Variants in PRAMEF2 observed in about 807,000 individuals in gnomAD.
The protein encoded by PRAMEF2 is PRAME family member 2.
In PRAMEF2, 35 loss-of-function variants were observed where a neutral mutation model predicts 38.0. The ratio of observed to expected loss-of-function variants is 0.92; its 90% CI spans 0.70 to 1.22. The LOEUF (loss-of-function observed/expected upper bound fraction) is 1.22, where lower values mean the gene tolerates loss of function less well. Ranked by LOEUF, PRAMEF2 falls within the 50% of genes most tolerant of loss-of-function variation. The probability of loss-of-function intolerance (pLI) is 0.00; values close to 1 mark genes in which losing one functional copy is unlikely to be tolerated. For synonymous variants in PRAMEF2, 240 were observed against 232.4 expected, an observed-to-expected ratio of 1.03 and a Z score of -0.30; for missense variants, 562 against 553.9, an observed-to-expected ratio of 1.01 and a Z score of -0.15.
At chr1:12,860,574 T>C (rs1640531361) in intron 3 of PRAMEF2, among the ~76,000 whole-genome samples, 1 of 149,772 alleles carries the variant, frequency 6.7e-6, no homozygotes, top group Non-Finnish European at 1.5e-5. Context: ...TTACAAAGTG[T>C]GTTTCAAGTT....
Position 12,859,077 on chromosome 1 carries a change from T to C in PRAMEF2, c.68T>C (p.Leu23Ser). Residue 23 changes from leucine (L) to serine (S), a missense_variant, in exon 2 of 4, where the codon TTG becomes TCG. Physicochemically the swap from Leu to Ser is moderately radical, Grantham distance 145. Around this residue, in one of 2 missense-constraint regions of PRAMEF2, gnomAD observed 486 missense variants for 444.2 expected, o/e 1.09. Coordinates refer to ENST00000240189, the MANE Select transcript of PRAMEF2 (RefSeq NM_023014.1). ...AGQSLLRDQA[L>S]SISAMEELPR... ...CAGAGCCTGCTGAGAGACCAGGCCT[T>C]GTCCATCTCTGCCATGGAGGAGCTG... The C allele has an allele frequency of 6.2e-7, 1 of 1,603,970 alleles. No individual in the cohort carries two copies. Among genetic ancestry groups the C allele is most frequent in the Non-Finnish European group, 8.5e-7 (1 of 1,176,382 alleles).
rs368918984 is a variant in PRAMEF2 at position 12,860,936 on chromosome 1, A to G, written c.867-285A>G. 2.2e-4 allele frequency among the ~76,000 whole-genome samples: 33 copies of G among 148,122 alleles called. 1 individual carries two copies. Among genetic ancestry groups the G allele is most frequent in the African/African-American group, 6.7e-4 (27 of 40,136 alleles). ...TTCACATCTCCCACGGGGTACCTGT[A>G]GCCCAGAGATGAAGTTTTCTGCTAA... On this transcript the variant is annotated intron_variant, in intron 3 of 3. Transcript: ENST00000240189.
In PRAMEF2 at chr1:12,860,081, T is replaced by C. The variant is rs753647316; in HGVS notation, c.676T>C (p.Cys226Arg). The change falls in exon 3 of 4, where the codon TGT (cysteine) becomes CGT (arginine). Residue 226 changes from cysteine (C) to arginine (R), a missense_variant. Cys to Arg is a radical substitution (Grantham distance 180, BLOSUM62 -3). Coordinates refer to ENST00000240189, the MANE Select transcript of PRAMEF2 (RefSeq NM_023014.1). ...GCCACATCTGATAAGAAAGCTTTAT[T>C]GTTACCTGAAGGAGATGAAGACTCT... ...CWPHLIRKLY[C>R]YLKEMKTLCK... The C allele has an allele frequency of 6.2e-7, 1 of 1,606,626 alleles. No individual in the cohort carries two copies. Among genetic ancestry groups the C allele is most frequent in the East Asian group, 2.2e-5 (1 of 44,700 alleles).
intron 3 of PRAMEF2, among the ~76,000 whole-genome samples, 156 bp downstream of exon 3, chr1:12,860,427 G>A (rs568802761): frequency 6.7e-6 from 1 of 150,350 alleles, no homozygotes; most frequent in African/African-American, 2.4e-5. Flanking sequence ...AGTGTTCCAT[G>A]TCCTGGAGTG....
intron 2 of PRAMEF2, among the ~76,000 whole-genome samples, 178 bp downstream of exon 2, chr1:12,859,474 G>T (rs1220408159): frequency 6.6e-6 from 1 of 150,978 alleles, no homozygotes. Context: ...TCACCATACA[G>T]GGTCCACTGT....
At chr1:12,860,413 A>G (rs1041422237) in intron 3 of PRAMEF2, 142 bp downstream of exon 3, 16 of 1,498,394 alleles carry the variant, frequency 1.1e-5, no homozygotes, top group African/African-American at 1.4e-5. Flanking sequence ...ACATTGTCCC[A>G]TTCAGTGTTC....
intron 1 of PRAMEF2, among the ~76,000 whole-genome samples, chr1:12,857,402 T>A (rs1640467231): frequency 6.7e-6 from 1 of 148,974 alleles, no homozygotes. Context: ...TACAGTGACA[T>A]GAATTTTTAT....
chr1:12,859,249 A>G lies in PRAMEF2; in HGVS notation c.240A>G (p.Ala80=), dbSNP rs1640498762. The change falls in exon 2 of 4, where the codon GCA becomes GCG. Residue 80 remains alanine (A), a synonymous_variant. Coordinates refer to ENST00000240189, the MANE Select transcript of PRAMEF2 (RefSeq NM_023014.1). ...CGCTTCATCTGGAGCCATTGAAAGCATTGCTGGAAGGGCTTCATATGCTGC... is the reference window on the plus strand; with the variant it reads ...CGCTTCATCTGGAGCCATTGAAAGCGTTGCTGGAAGGGCTTCATATGCTGC... ...MKTLHLEPLK[A]LLEGLHMLLT... The G allele has an allele frequency of 1.2e-6, 2 of 1,610,318 alleles. No homozygotes were observed. Among genetic ancestry groups the G allele is most frequent in the African/African-American group, 2.7e-5 (2 of 74,486 alleles).
intron 1 of PRAMEF2, among the ~76,000 whole-genome samples, chr1:12,857,997 C>CTACA (rs1047422880): frequency 1.4e-5 from 2 of 141,632 alleles, no homozygotes; most frequent in Non-Finnish European, 3.1e-5. Context: ...GCATGCCCAG[C>CTACA]TACAGTTAGC....
rs1406836726 is a variant in PRAMEF2, at chr1:12,858,954, G to C, written c.-25-31G>C. The C allele has an allele frequency of 3.3e-5, 52 of 1,576,676 alleles. No homozygotes were observed. The Middle Eastern group carries it at 1.2e-3, about 36-fold the overall frequency. On this transcript the variant is annotated intron_variant, in intron 1 of 3. Coordinates refer to ENST00000240189, the MANE Select transcript of PRAMEF2 (RefSeq NM_023014.1). ...TGAGGTGATTGTGTTTGCCCTGAGA[G>C]TGATACATTCTCCCTGGATTTGTCT...
chr1:12,857,533 C>G lies in PRAMEF2; in HGVS notation c.-26+386C>G, dbSNP rs1402740979. 9.2e-5 allele frequency among the ~76,000 whole-genome samples: 13 copies of G among 141,962 alleles called. 3 individuals are homozygous for G. Among genetic ancestry groups the G allele is most frequent in the South Asian group, 2.2e-4 (1 of 4,478 alleles). The allele number at this position is 141,962 out of a possible 152,430, so 93.1% of individuals were successfully genotyped here. On this transcript the variant is annotated intron_variant, in intron 1 of 3. Coordinates refer to ENST00000240189, the MANE Select transcript of PRAMEF2 (RefSeq NM_023014.1). ...AAAATCCTTAAAGGTATCCCACACA[C>G]CAATCTCAAGAGTGCAGTTTTGCTC...
intron 1 of PRAMEF2, among the ~76,000 whole-genome samples, chr1:12,857,681 G>A (rs1356481861): frequency 4.3e-5 from 6 of 139,926 alleles, no homozygotes; most frequent in South Asian, 2.3e-4. Context: ...GAATAGCATG[G>A]TAGCACTTTT....
rs529979250 is a variant in PRAMEF2 at position 12,861,141 on chromosome 1, G to C, written c.867-80G>C. 12 of 1,463,160 alleles carry C rather than the reference G, an allele frequency of 8.2e-6. 1 individual carries two copies. Among genetic ancestry groups the C allele is most frequent in the Non-Finnish European group, 1.1e-5 (12 of 1,065,076 alleles). 90.6% of individuals were successfully genotyped at this position (1,463,160 alleles called of 1,614,324 possible). A position where few individuals can be genotyped will look rare whatever the true frequency, so the allele number is the denominator to read the frequency against. ...AACAAACTTGTGTTTGGTTGAAGCA[G>C]GTATTTTCCTTGAGGTTATTCCCCA... On this transcript the variant is annotated intron_variant, in intron 3 of 3. Coordinates refer to ENST00000240189, the MANE Select transcript of PRAMEF2 (RefSeq NM_023014.1).
rs201943127 is a variant in PRAMEF2, at chr1:12,859,709, G to A, written c.304G>A (p.Val102Met). 4.0e-5 allele frequency: 65 copies of A among 1,606,656 alleles called. No homozygotes were observed. Among genetic ancestry groups the A allele is most frequent in the Non-Finnish European group, 4.2e-5 (49 of 1,177,408 alleles). ...TACCCACAGGAGGTGGAAACTTCAA[G>A]TGCTGGATTTGCGGGATGTTGATGA... ...KDRPRRWKLQ[V>M]LDLRDVDENF... Residue 102 changes from valine (V) to methionine (M), a missense_variant, in exon 3 of 4, where the codon GTG becomes ATG. Physicochemically the swap from Val to Met is conservative, Grantham distance 21. Transcript: ENST00000240189.
Position 12,860,180 on chromosome 1 carries a change from T to C in PRAMEF2, c.775T>C (p.Phe259Leu), listed in dbSNP as rs1274146880. 1 of 1,605,366 alleles carries C rather than the reference T, an allele frequency of 6.2e-7. No individual in the cohort carries two copies. Among genetic ancestry groups the C allele is most frequent in the Non-Finnish European group, 8.5e-7 (1 of 1,175,618 alleles). The change falls in exon 3 of 4, where the codon TTC (phenylalanine) becomes CTC (leucine). Residue 259 changes from phenylalanine to leucine, a missense_variant. Around this residue, in one of 2 missense-constraint regions of PRAMEF2, gnomAD observed 486 missense variants for 444.2 expected, o/e 1.09. Coordinates refer to ENST00000240189, the MANE Select transcript of PRAMEF2 (RefSeq NM_023014.1). ...NELEGWLVTR[F>L]TSVFLRLEHL... ...ACTCGAGGGATGGTTAGTCACCAGA[T>C]TCACCTCTGTGTTCCTCAGGCTGGA...
intron 1 of PRAMEF2, among the ~76,000 whole-genome samples, chr1:12,858,067 G>C (rs1176035269): frequency 6.7e-6 from 1 of 148,994 alleles, no homozygotes; most frequent in African/African-American, 2.5e-5. Context: ...TACAGTTCCA[G>C]TGAATTATTT....
At position 12,859,543 on chromosome 1, in the gene PRAMEF2, T is replaced by A; in HGVS notation, c.288-150T>A. The A allele has an allele frequency of 3.4e-6, 5 of 1,470,638 alleles. No individual in the cohort carries two copies. The South Asian group carries it at 6.5e-5, about 19-fold the overall frequency. 91.1% of individuals were successfully genotyped at this position (1,470,638 alleles called of 1,614,324 possible). On this transcript the variant is annotated intron_variant, in intron 2 of 3. Coordinates refer to ENST00000240189, the MANE Select transcript of PRAMEF2 (RefSeq NM_023014.1). The stretch of plus-strand genomic sequence containing the variant: ...TAAAGGGAATAGAAGTGGGGACCAC[T>A]CAGAATCCAAAGGGAAAAGGGATTG...
rs1273519176 is a variant in PRAMEF2, at chr1:12,861,403, C to T, written c.1049C>T (p.Ser350Phe). The change falls in exon 4 of 4, where the codon TCT becomes TTT. Residue 350 changes from serine to phenylalanine, a missense_variant. Ser to Phe is a radical substitution (Grantham distance 155, BLOSUM62 -2). This residue lies in a region of PRAMEF2 where 486 missense variants were observed against 444.2 expected (regional missense o/e 1.09). Coordinates refer to ENST00000240189, the MANE Select transcript of PRAMEF2 (RefSeq NM_023014.1). ...LGALLEKIAA[S>F]LETLVLEGCQ... ...GCTCTGCTAGAGAAAATTGCTGCCT[C>T]TCTCGAGACCCTCGTGTTAGAGGGC... The T allele has an allele frequency of 1.9e-6, 3 of 1,603,176 alleles. 1 individual carries two copies.
Position 12,859,973 on chromosome 1 carries a change from A to G in PRAMEF2, c.568A>G (p.Thr190Ala), listed in dbSNP as rs1449593039. Residue 190 changes from threonine (T) to alanine (A), a missense_variant, in exon 3 of 4, where the codon ACG becomes GCG. By Grantham distance (58) the Thr-to-Ala change is moderately conservative (BLOSUM62 0). Transcript: ENST00000240189. The part of the protein sequence containing the change: ...LCCSKLVNYL[T>A]PIKYLRKSLK... Reference sequence around the variant, plus strand: ...CTGTAGTAAGCTGGTCAATTATCTAACGCCAATTAAATATCTCAGAAAGTC... The same window carrying G: ...CTGTAGTAAGCTGGTCAATTATCTAGCGCCAATTAAATATCTCAGAAAGTC... 6.2e-7 allele frequency: 1 copy of G among 1,607,960 alleles called. No homozygotes were observed. The highest frequency in any genetic ancestry group is 8.5e-7 in the Non-Finnish European group (1 of 1,176,950).
Sources: allele counts gnomAD v4.1 joint callset (sites outside exome capture counted in the v4.1 genomes callset), GRCh38; gene constraint gnomAD v4.1.1; regional missense constraint gnomAD v4.1.1; transcripts MANE v1.5; gene names NCBI Gene and HGNC (gene_info 2026-07-23, HGNC 2026-07-21).